BLTP1: variants seen among roughly 807,000 people sequenced by gnomAD.
The protein encoded by BLTP1 is bridge-like lipid transfer protein family member 1.
At chr4:122,318,626 A>AT in the BLTP1 span, among the ~76,000 whole-genome samples, 1 of 152,100 alleles carries the variant, frequency 6.6e-6, no homozygotes, top group Non-Finnish European at 1.5e-5. Context: ...AATGTGAAAA[A>AT]TTTTAAGATG....
the BLTP1 span, among the ~76,000 whole-genome samples, chr4:122,357,415 T>C: frequency 2.0e-5 from 3 of 151,758 alleles, no homozygotes; most frequent in Non-Finnish European, 2.9e-5. Context: ...ATACAAAAAT[T>C]AGCCAGGTGT....
chr4:122,220,254 G>C, the BLTP1 span: 11 of 1,447,276 alleles, frequency 7.6e-6, no homozygotes, highest in Non-Finnish European at 8.5e-6. Context: ...AATCATGACA[G>C]ATGTAATTTT....
chr4:122,304,313 G>A, the BLTP1 span, among the ~76,000 whole-genome samples: 1 of 152,132 alleles, frequency 6.6e-6, no homozygotes, highest in Non-Finnish European at 1.5e-5. Flanking sequence ...CCTGGTTCAA[G>A]CTATTCTCCT....
At chr4:122,180,305 T>G in the BLTP1 span, among the ~76,000 whole-genome samples, 1 of 152,192 alleles carries the variant, frequency 6.6e-6, no homozygotes, top group Non-Finnish European at 1.5e-5. Flanking sequence ...AAATAAATAC[T>G]AGTTTTTTTC....
the BLTP1 span, among the ~76,000 whole-genome samples, chr4:122,303,621 C>G: frequency 6.6e-6 from 1 of 152,142 alleles, no homozygotes; most frequent in African/African-American, 2.4e-5. Context: ...ATTACTAGGA[C>G]TTTGGAAGAA....
the BLTP1 span, chr4:122,267,025 T>C: frequency 3.0e-6 from 2 of 666,644 alleles, no homozygotes; most frequent in Non-Finnish European, 4.9e-6. Context: ...TTAACGTTAC[T>C]TTCGTGTAAT....
the BLTP1 span, chr4:122,247,994 A>G: frequency 1.0e-6 from 1 of 985,156 alleles, no homozygotes; most frequent in Non-Finnish European, 1.2e-6. Flanking sequence ...TTTATGTGGG[A>G]CTGGTGACCA....
At chr4:122,171,702 T>G in the BLTP1 span, 3 of 389,756 alleles carry the variant, frequency 7.7e-6, no homozygotes, top group East Asian at 3.3e-4. Flanking sequence ...CCCAAGGATG[T>G]GGGTAGGAAT....
chr4:122,172,930 A>ACCTCTG, the BLTP1 span: 2 of 1,571,332 alleles, frequency 1.3e-6, no homozygotes, highest in Non-Finnish European at 1.7e-6. Context: ...AGCTGGATAA[A>ACCTCTG]GTATAATCAA....
At chr4:122,232,221 A>C in the BLTP1 span, 1 of 609,870 alleles carries the variant, frequency 1.6e-6, no homozygotes, top group Non-Finnish European at 2.1e-6. Context: ...GGATGCTGGA[A>C]AAATACACAA....
At chr4:122,256,087 T>C in the BLTP1 span, 1 of 982,202 alleles carries the variant, frequency 1.0e-6, no homozygotes, top group Non-Finnish European at 1.2e-6. Flanking sequence ...ATGATTAGAG[T>C]TTTAGAACTT....
the BLTP1 span, among the ~76,000 whole-genome samples, chr4:122,204,217 A>G: frequency 6.6e-6 from 1 of 151,898 alleles, no homozygotes; most frequent in African/African-American, 2.4e-5. Context: ...GCAAAATGCA[A>G]GTGTGAAATG....
chr4:122,244,382 G>A, the BLTP1 span, among the ~76,000 whole-genome samples: 1 of 151,940 alleles, frequency 6.6e-6, no homozygotes, highest in Admixed American at 6.6e-5. Context: ...TCAACCTTCT[G>A]TATTGGTGGG....
the BLTP1 span, among the ~76,000 whole-genome samples, chr4:122,279,388 T>C: frequency 1.3e-5 from 2 of 152,218 alleles, no homozygotes; most frequent in African/African-American, 4.8e-5. Flanking sequence ...TGCTGATTGC[T>C]TTGGGATACT....
chr4:122,235,528 G>A, the BLTP1 span: 45 of 969,100 alleles, frequency 4.6e-5, no homozygotes, highest in East Asian at 4.6e-4. Flanking sequence ...AACTCTGGCC[G>A]GGCGTGGTGG....
the BLTP1 span, among the ~76,000 whole-genome samples, chr4:122,360,925 T>C: frequency 2.0e-5 from 3 of 152,202 alleles, no homozygotes; most frequent in African/African-American, 7.2e-5. Flanking sequence ...AGTTAAGTAA[T>C]GTGGTATAGT....
At chr4:122,224,028 A>G in the BLTP1 span, 74 of 977,062 alleles carry the variant, frequency 7.6e-5, no homozygotes, top group Non-Finnish European at 8.3e-5. Flanking sequence ...CTCTCCTTGT[A>G]TTTACATAGT....
chr4:122,316,553 G>A, the BLTP1 span: 1 of 770,672 alleles, frequency 1.3e-6, no homozygotes, highest in East Asian at 3.6e-5. Flanking sequence ...GGAAACGTAG[G>A]TAGCAACTAA....
the BLTP1 span, chr4:122,331,574 C>CTT: frequency 6.3e-7 from 1 of 1,590,440 alleles, no homozygotes; most frequent in Non-Finnish European, 8.6e-7. Flanking sequence ...ATACATGAAA[C>CTT]TTTATCTATT....
Sources: allele counts gnomAD v4.1 joint callset (sites outside exome capture counted in the v4.1 genomes callset), GRCh38; gene constraint gnomAD v4.1.1; transcripts MANE v1.5; gene names NCBI Gene and HGNC (gene_info 2026-07-23, HGNC 2026-07-21).